TMIGD2: variants seen among roughly 807,000 people sequenced by gnomAD.
TMIGD2 encodes the protein transmembrane and immunoglobulin domain-containing protein 2.
TMIGD2 carries 18 observed loss-of-function variants against 22.6 expected under a neutral mutation model. That is an observed-to-expected ratio of 0.80 (90% CI 0.55 to 1.18). The LOEUF (loss-of-function observed/expected upper bound fraction) is 1.18. TMIGD2 is among the 50% of genes most tolerant of loss of function. The probability of loss-of-function intolerance (pLI) is 0.00; values close to 1 mark genes in which losing one functional copy is unlikely to be tolerated. For synonymous variants in TMIGD2, 184 were observed against 154.1 expected (o/e 1.19, Z -1.44); for missense variants, 361 against 378.2 (o/e 0.95, Z 0.38).
At chr19:4,292,579 T>A (rs1400551057) in exon 5 of TMIGD2, 1 of 1,608,750 alleles carries the variant, frequency 6.2e-7, no homozygotes, top group Non-Finnish European at 8.5e-7. Context: ...TGGGGTCCTG[T>A]TGAGGTCTCC....
chr19:4,297,817 T>G (rs548038999), intron 2 of TMIGD2, among the ~76,000 whole-genome samples, 169 bp downstream of exon 2: 1 of 150,190 alleles, frequency 6.7e-6, no homozygotes, highest in Non-Finnish European at 1.5e-5. Context: ...ATCGCGCCCC[T>G]GCACTCCAAG....
chr19:4,294,706 TA>T, intron 3 of TMIGD2, 26 bp from the exon 4 acceptor site: 1 of 1,572,548 alleles, frequency 6.4e-7, no homozygotes, highest in Non-Finnish European at 8.6e-7. Flanking sequence ...AGAGATGGTC[TA>T]ATCAGGAGGG....
At chr19:4,295,948 G>T (rs1342998184) in intron 2 of TMIGD2, among the ~76,000 whole-genome samples, 1 of 152,078 alleles carries the variant, frequency 6.6e-6, no homozygotes, top group Non-Finnish European at 1.5e-5. Flanking sequence ...AGACAGGGTC[G>T]CTCTGTGTCA....
At chr19:4,298,344 G>A in exon 2 of TMIGD2, 1 of 1,568,990 alleles carries the variant, frequency 6.4e-7, no homozygotes. Flanking sequence ...CTTCTTGCAG[G>A]GCTGGAGGAC....
chr19:4,298,413 C>T, intron 1 of TMIGD2, 68 bp from the exon 2 acceptor site: 9 of 1,485,616 alleles, frequency 6.1e-6, no homozygotes, highest in Non-Finnish European at 8.0e-6. Flanking sequence ...GACTCACTCC[C>T]CTAGTGAGCC....
chr19:4,297,074 C>CTTTTTT (rs71166981), intron 2 of TMIGD2, among the ~76,000 whole-genome samples: 6 of 105,228 alleles, frequency 5.7e-5, no homozygotes, highest in Non-Finnish European at 9.1e-5. Flanking sequence ...GAGTCTGTGG[C>CTTTTTT]TTTTTTTTTT....
In TMIGD2 at chr19:4,294,434, A is replaced by C; in HGVS notation, c.562+133T>G. 5.5e-6 allele frequency: 4 copies of C among 725,142 alleles called. No individual in the cohort carries two copies. In the South Asian group the frequency reaches 7.1e-5, roughly 13 times the overall value. The allele number at this position is 725,142 out of a possible 1,614,324, so 44.9% of individuals were successfully genotyped here. A position where few individuals can be genotyped will look rare whatever the true frequency, so the allele number is the denominator to read the frequency against. ...TTTGTCTCTATTTCTGAAAAACATG[A>C]GCATAGGATATAGGAGCCAGGCTTC... On this transcript the variant is annotated intron_variant, in intron 4 of 4. Transcript: ENST00000301272.
In TMIGD2 at chr19:4,294,687, A is replaced by AG; in HGVS notation, c.449-8dup. ...AGCAGCACGAAGAGGAATCCTGGGTAGGGGGAGAAGAGATGGTCTAATCAG... is the reference window on the plus strand; with the variant it reads ...AGCAGCACGAAGAGGAATCCTGGGTAGGGGGGAGAAGAGATGGTCTAATCAG... On this transcript the variant is annotated splice_polypyrimidine_tract_variant and splice_region_variant and intron_variant, in intron 3 of 4. Coordinates refer to ENST00000301272, the Ensembl canonical transcript of TMIGD2. 6.3e-7 allele frequency: 1 copy of AG among 1,582,778 alleles called. No homozygotes were observed. Among genetic ancestry groups the AG allele is most frequent in the South Asian group, 1.2e-5 (1 of 86,262 alleles).
intron 2 of TMIGD2, among the ~76,000 whole-genome samples, chr19:4,296,423 A>G (rs1245003359): frequency 6.6e-6 from 1 of 152,220 alleles, no homozygotes; most frequent in Admixed American, 6.5e-5. Flanking sequence ...GAATGCCGCA[A>G]TTAAGATAAG....
intron 1 of TMIGD2, among the ~76,000 whole-genome samples, chr19:4,301,674 C>G (rs370284455): frequency 3.6e-4 from 55 of 151,970 alleles, no homozygotes; most frequent in African/African-American, 1.3e-3. Context: ...CTTCTCAAAA[C>G]AAAACAAAAC....
At chr19:4,294,072 A>T (rs549304763) in intron 4 of TMIGD2, among the ~76,000 whole-genome samples, 27 of 132,392 alleles carry the variant, frequency 2.0e-4, no homozygotes, top group East Asian at 7.0e-4. Flanking sequence ...TAATTTTTAA[A>T]TTTTTTTTTT....
exon 5 of TMIGD2, chr19:4,292,731 T>C (rs369935861): frequency 3.3e-4 from 531 of 1,609,206 alleles, no homozygotes; most frequent in Non-Finnish European, 4.0e-4. Flanking sequence ...TGGGGCAGGG[T>C]CTTGACGCCA....
chr19:4,300,023 G>T (rs1275842560), intron 1 of TMIGD2, among the ~76,000 whole-genome samples: 1 of 150,544 alleles, frequency 6.6e-6, no homozygotes, highest in Non-Finnish European at 1.5e-5. Flanking sequence ...CACTTTGGGA[G>T]GCCGAGGCGG....
At chr19:4,294,751 G>A in intron 3 of TMIGD2, 24 bp downstream of exon 3, 1 of 1,581,870 alleles carries the variant, frequency 6.3e-7, no homozygotes, top group Non-Finnish European at 8.6e-7. Context: ...AGACGCTGGG[G>A]GAGGAACACA....
chr19:4,297,912 A>G, intron 2 of TMIGD2, 74 bp downstream of exon 2: 3 of 1,444,404 alleles, frequency 2.1e-6, no homozygotes, highest in Non-Finnish European at 2.7e-6. Flanking sequence ...TGTTTCTAGG[A>G]GTTTAAGACT....
rs867704317 is a variant in TMIGD2, at chr19:4,294,764, G to A, written c.448+11C>T. On this transcript the variant is annotated intron_variant, in intron 3 of 4. Transcript: ENST00000301272. The stretch of plus-strand genomic sequence containing the variant: ...GAAGACGCTGGGGGAGGAACACAGG[G>A]CAGGGCTCACCTGGGAAGCTTGCGA... 1 of 1,587,480 alleles carries A rather than the reference G, an allele frequency of 6.3e-7. No individual in the cohort carries two copies. The highest frequency in any genetic ancestry group is 8.6e-7 in the Non-Finnish European group (1 of 1,167,688).
intron 4 of TMIGD2, among the ~76,000 whole-genome samples, chr19:4,294,297 C>T (rs1971427514): frequency 2.6e-5 from 4 of 152,054 alleles, no homozygotes; most frequent in Admixed American, 6.6e-5. Flanking sequence ...TCAGGTGATT[C>T]GCCCACCTCG....
chr19:4,301,654 A>C (rs1411521993), intron 1 of TMIGD2, among the ~76,000 whole-genome samples: 1 of 152,236 alleles, frequency 6.6e-6, no homozygotes, highest in East Asian at 1.9e-4. Context: ...TGGGTGACAG[A>C]GCAAGACTCC....
intron 4 of TMIGD2, 118 bp from the exon 5 acceptor site, chr19:4,293,003 G>T: frequency 1.4e-6 from 2 of 1,474,152 alleles, no homozygotes; most frequent in Non-Finnish European, 1.8e-6. Context: ...TCACTCTGTC[G>T]CCCAGGCTGG....
Sources: gnomAD v4.1 joint callset for allele counts (sites outside exome capture counted in the v4.1 genomes callset) on GRCh38, gnomAD v4.1.1 for gene constraint, MANE v1.5 for transcripts, NCBI Gene and HGNC (gene_info 2026-07-23, HGNC 2026-07-21) for gene names.